SREK1: variants seen among roughly 807,000 people sequenced by gnomAD.
The protein encoded by SREK1 is splicing regulatory glutamic acid and lysine rich protein 1.
In SREK1, 13 loss-of-function variants were observed where a neutral mutation model predicts 66.5. The ratio of observed to expected loss-of-function variants is 0.20; its 90% CI spans 0.13 to 0.31. SREK1 has a LOEUF of 0.31. Among genes scored for constraint, SREK1 ranks in the 10% least tolerant of loss-of-function variants. The pLI is 1.00. For missense variants in SREK1, 607 were observed against 769.6 expected (o/e 0.79, Z 2.50); for synonymous variants, 265 against 263.5 (o/e 1.01, Z -0.05).
intron 1 of SREK1, among the ~76,000 whole-genome samples, chr5:66,149,209 T>G (rs558776461): frequency 6.6e-6 from 1 of 151,976 alleles, no homozygotes; most frequent in Non-Finnish European, 1.5e-5. Context: ...AAAAATTAGC[T>G]GGGTGTGGTG....
chr5:66,165,846 T>G (rs1040689441), intron 7 of SREK1: 14 of 152,330 alleles, frequency 9.2e-5, no homozygotes, highest in African/African-American at 3.4e-4. Context: ...TGTTGTACAT[T>G]GTTTTACCAG....
chr5:66,168,605 T>C (rs1230152001), intron 7 of SREK1: 2 of 152,056 alleles, frequency 1.3e-5, no homozygotes, highest in Non-Finnish European at 2.9e-5. Context: ...TCAAGGCAGG[T>C]GGACCTCAAG....
chr5:66,146,162 C>A (rs2111904951), intron 1 of SREK1, among the ~76,000 whole-genome samples: 1 of 152,244 alleles, frequency 6.6e-6, no homozygotes, highest in East Asian at 1.9e-4. Context: ...GTTCTCAGAA[C>A]ATTTCTTAAT....
At chr5:66,153,357 C>T in intron 1 of SREK1, 106 bp from the exon 2 acceptor site, 4 of 1,430,190 alleles carry the variant, frequency 2.8e-6, no homozygotes, top group Non-Finnish European at 3.8e-6. Context: ...GTTTTAAAGT[C>T]TTAATTTCGT....
intron 5 of SREK1, chr5:66,162,819 A>G: frequency 4.7e-6 from 2 of 428,424 alleles, no homozygotes; most frequent in Non-Finnish European, 8.2e-6. Flanking sequence ...GGTCTAATTC[A>G]GTGTTAACAT....
intron 9 of SREK1, among the ~76,000 whole-genome samples, chr5:66,171,334 C>T (rs1745628488): frequency 1.3e-5 from 2 of 152,076 alleles, no homozygotes; most frequent in Non-Finnish European, 2.9e-5. Flanking sequence ...GCTGAAGTTG[C>T]AGTGTTAGCC....
chr5:66,157,891 T>C (rs1744423966), intron 2 of SREK1: 2 of 215,074 alleles, frequency 9.3e-6, no homozygotes, highest in Non-Finnish European at 1.6e-5. Context: ...TAATATTGTT[T>C]AGGGATTTAT....
chr5:66,155,930 A>G, intron 2 of SREK1: 2 of 1,311,188 alleles, frequency 1.5e-6, no homozygotes, highest in Non-Finnish European at 2.1e-6. Context: ...ACGTAGAAAA[A>G]GATACGGTCA....
In SREK1 at chr5:66,159,270, C is replaced by T; in HGVS notation, c.347C>T (p.Thr116Ile). The part of the protein sequence containing the change: ...KALSLLAPAP[T>I]MTSLMPGAGL... Reference sequence around the variant, plus strand: ...CTCTCTTTATTGGCTCCTGCTCCAACCATGACAAGTCTGATGCCTGGTGCA... The same window carrying T: ...CTCTCTTTATTGGCTCCTGCTCCAATCATGACAAGTCTGATGCCTGGTGCA... Residue 116 changes from threonine to isoleucine, a missense_variant, in exon 3 of 12, where the codon ACC becomes ATC. Thr to Ile is a moderately conservative substitution (Grantham distance 89). This residue lies in a region of SREK1 where 99 missense variants were observed against 186.6 expected (regional missense o/e 0.53). Transcript: ENST00000334121. 1 of 1,613,796 alleles carries T rather than the reference C, an allele frequency of 6.2e-7. No homozygotes were observed. The highest frequency in any genetic ancestry group is 8.5e-7 in the Non-Finnish European group (1 of 1,179,852).
intron 10 of SREK1, among the ~76,000 whole-genome samples, chr5:66,175,411 C>G (rs1328336790): frequency 6.6e-6 from 1 of 152,186 alleles, no homozygotes; most frequent in Non-Finnish European, 1.5e-5. Context: ...CTTACCAGGT[C>G]AGAGAGAGCT....
rs1247169991 is a variant in SREK1, at chr5:66,183,471, A to G, written c.*4603A>G. The G allele has an allele frequency of 6.6e-6, 1 of 152,194 alleles. No individual in the cohort carries two copies. Among genetic ancestry groups the G allele is most frequent in the East Asian group, 1.9e-4 (1 of 5,198 alleles). The allele number at this position is 152,194 out of a possible 1,614,324, so 9.4% of individuals were successfully genotyped here. A position where few individuals can be genotyped will look rare whatever the true frequency, so the allele number is the denominator to read the frequency against. On this transcript the variant is annotated 3_prime_UTR_variant, in exon 12 of 12. Coordinates refer to ENST00000334121, the MANE Select transcript of SREK1 (RefSeq NM_001077199.3). ...AACAGTGTTAGATTATCAAGGGAAG[A>G]GTTTGGAATGTAAACATAAACATGC...
At chr5:66,175,578 G>A (rs564880695) in intron 10 of SREK1, among the ~76,000 whole-genome samples, 1 of 152,232 alleles carries the variant, frequency 6.6e-6, no homozygotes, top group South Asian at 2.1e-4. Flanking sequence ...TTTTTAGTGT[G>A]CATGTGTGTA....
intron 2 of SREK1, chr5:66,156,358 G>A: frequency 8.1e-7 from 1 of 1,238,140 alleles, no homozygotes; most frequent in Non-Finnish European, 1.0e-6. Flanking sequence ...TTCATTAAGG[G>A]TTCATAACGT....
chr5:66,170,279 GT>G, intron 8 of SREK1, 109 bp downstream of exon 8: 2 of 1,351,972 alleles, frequency 1.5e-6, no homozygotes, highest in Non-Finnish European at 2.0e-6. Flanking sequence ...TGTGGTTTAG[GT>G]TTTTAATGAG....
chr5:66,144,321 G>T lies in SREK1; in HGVS notation c.-56G>T. ...GCGCGTTCTCCGCTTTCCCGGCTCCGTCGCTGACGCGTCGTAGACGTTGGG... is the reference window on the plus strand; with the variant it reads ...GCGCGTTCTCCGCTTTCCCGGCTCCTTCGCTGACGCGTCGTAGACGTTGGG... On this transcript the variant is annotated 5_prime_UTR_variant, in exon 1 of 12. Coordinates refer to ENST00000334121, the MANE Select transcript of SREK1 (RefSeq NM_001077199.3). 1 of 1,385,502 alleles carries T rather than the reference G, an allele frequency of 7.2e-7. No homozygotes were observed. 85.8% of individuals were successfully genotyped at this position (1,385,502 alleles called of 1,614,324 possible).
chr5:66,161,294 A>AT (rs1744740806), intron 3 of SREK1, among the ~76,000 whole-genome samples: 1 of 152,094 alleles, frequency 6.6e-6, no homozygotes, highest in African/African-American at 2.4e-5. Context: ...AGTAAGTAAA[A>AT]TTTTTTTGAA....
At position 66,182,599 on chromosome 5, in the gene SREK1, C is replaced by T. The variant is rs1383922391; in HGVS notation, c.*3731C>T. 6.6e-6 allele frequency: 1 copy of T among 152,102 alleles called. No homozygotes were observed. Among genetic ancestry groups the T allele is most frequent in the African/African-American group, 2.4e-5 (1 of 41,404 alleles). 9.4% of individuals were successfully genotyped at this position (152,102 alleles called of 1,614,324 possible). ...TTTCTTTTTGAGACAGGGTCTCACTCTGTCACTCAGGCTGGAGTGCAGTGA... is the reference window on the plus strand; with the variant it reads ...TTTCTTTTTGAGACAGGGTCTCACTTTGTCACTCAGGCTGGAGTGCAGTGA... On this transcript the variant is annotated 3_prime_UTR_variant, in exon 12 of 12. Transcript: ENST00000334121.
chr5:66,162,704 G>A, intron 5 of SREK1, 112 bp downstream of exon 5: 2 of 1,002,682 alleles, frequency 2.0e-6, no homozygotes, highest in South Asian at 1.9e-5. Context: ...TTGTGGAAAG[G>A]AAGACTTTGT....
intron 5 of SREK1, chr5:66,162,907 C>T (rs1011077414): frequency 5.4e-6 from 1 of 184,640 alleles, no homozygotes; most frequent in African/African-American, 2.4e-5. Context: ...CATTATGACA[C>T]TAGACTAATT....
Sources: gnomAD v4.1 joint callset for allele counts (sites outside exome capture counted in the v4.1 genomes callset) on GRCh38, gnomAD v4.1.1 for gene constraint, gnomAD v4.1.1 regional missense constraint, MANE v1.5 for transcripts, NCBI Gene and HGNC (gene_info 2026-07-23, HGNC 2026-07-21) for gene names.